Variants in GAK observed in about 807,000 individuals in gnomAD.
The protein encoded by GAK is cyclin G associated kinase, also known as cyclin-G-associated kinase.
In GAK, 79 loss-of-function variants were observed where a neutral mutation model predicts 143.9. The ratio of observed to expected loss-of-function variants is 0.55; its 90% CI spans 0.46 to 0.66. The LOEUF (loss-of-function observed/expected upper bound fraction) is 0.66, where lower values mean the gene tolerates loss of function less well. GAK is among the 30% of genes least tolerant of loss of function. The probability of loss-of-function intolerance (pLI) is 0.00; values close to 1 mark genes in which losing one functional copy is unlikely to be tolerated. For synonymous variants in GAK, 881 were observed against 765.5 expected (o/e 1.15, Z -2.49); for missense variants, 1,693 against 1,779.7 (o/e 0.95, Z 0.88).
At chr4:929,057 C>A (rs1041284121) in intron 1 of GAK, among the ~76,000 whole-genome samples, 1 of 152,218 alleles carries the variant, frequency 6.6e-6, no homozygotes, top group African/African-American at 2.4e-5. Context: ...CCACTGCGCC[C>A]GGCCCAGAAC....
intron 24 of GAK, chr4:853,186 C>G (rs1483818578): frequency 6.6e-6 from 1 of 152,276 alleles, no homozygotes; most frequent in Non-Finnish European, 1.5e-5. Context: ...TGGACTGGCA[C>G]TCTTCACTAG....
rs1234224549 is a variant in GAK at position 932,083 on chromosome 4, C to T, written c.105G>A (p.Leu35=). 6.2e-6 allele frequency: 10 copies of T among 1,603,550 alleles called. No homozygotes were observed. In the Admixed American group the frequency reaches 1.2e-4, roughly 19 times the overall value. ...GCCGCACCCGCAGCCGCAGCTCGCC[C>T]AGTTCCACCGTCTGCCCCACGAAGT... ...QSDFVGQTVE[L]GELRLRVRRV... Residue 35 remains leucine, a synonymous_variant, in exon 1 of 28, where the codon CTG becomes CTA. Transcript: ENST00000314167. The surrounding 1 kb of genome is among the most constrained non-coding windows in gnomAD (Gnocchi z 4.0).
intron 3 of GAK, chr4:912,317 G>C (rs1430981566): frequency 2.6e-6 from 1 of 386,876 alleles, no homozygotes; most frequent in Non-Finnish European, 5.3e-6. Context: ...GTCATGCTGG[G>C]ACAGCCTGAG....
At chr4:920,319 A>G (rs975061846) in intron 1 of GAK, among the ~76,000 whole-genome samples, 2 of 151,688 alleles carry the variant, frequency 1.3e-5, no homozygotes, top group African/African-American at 4.8e-5. Flanking sequence ...AAAAAAAAAA[A>G]ACAAAAAACC....
chr4:916,428 T>C (rs1723098860), intron 1 of GAK, among the ~76,000 whole-genome samples: 2 of 152,142 alleles, frequency 1.3e-5, no homozygotes. Flanking sequence ...CTAATTTTTT[T>C]ATTCTTTGAA....
intron 13 of GAK, 60 bp from the exon 14 acceptor site, chr4:882,879 G>T: frequency 6.3e-7 from 1 of 1,583,310 alleles, no homozygotes; most frequent in Non-Finnish European, 8.6e-7. Context: ...GCCTTGGTCA[G>T]CTAGGAGGGA....
At chr4:884,402 G>A (rs546292862) in intron 11 of GAK, 9 of 328,316 alleles carry the variant, frequency 2.7e-5, no homozygotes, top group Non-Finnish European at 5.1e-5. Flanking sequence ...GCCCAGGAGT[G>A]GGCTGGGAGA....
At position 860,752 on chromosome 4, in the gene GAK, CGAG is replaced by C. The variant is rs150449629; in HGVS notation, c.3167-1033_3167-1031del. On this transcript the variant is annotated intron_variant, in intron 23 of 27. Transcript: ENST00000314167. ...CCTGGCGCACCTCGCACTGTGCACT[CGAG>C]GGGACGGGCACCCAGGCCCTGGCGC... Among the ~76,000 whole-genome samples, 1,319 of 150,964 alleles carry C rather than the reference CGAG, an allele frequency of 8.7e-3. 15 individuals are homozygous for C. Among genetic ancestry groups the C allele is most frequent in the African/African-American group, 0.03 (1,248 of 41,064 alleles).
chr4:860,758 G>A (rs1750134875), intron 23 of GAK, among the ~76,000 whole-genome samples: 1 of 150,410 alleles, frequency 6.6e-6, no homozygotes. Context: ...CACTCGAGGG[G>A]ACGGGCACCC....
chr4:907,279 G>A (rs754229658), intron 4 of GAK, among the ~76,000 whole-genome samples: 4 of 152,254 alleles, frequency 2.6e-5, no homozygotes, highest in Middle Eastern at 3.4e-3. Flanking sequence ...CAGCTCTGCC[G>A]GCCCTGGCCC....
At chr4:918,816 T>G (rs1177382308) in intron 1 of GAK, among the ~76,000 whole-genome samples, 2 of 146,218 alleles carry the variant, frequency 1.4e-5, no homozygotes, top group African/African-American at 5.2e-5. Flanking sequence ...CCGCATGACC[T>G]TAGAAAGGCA....
In GAK at chr4:865,209, A is replaced by C; in HGVS notation, c.3079T>G (p.Ser1027Ala). The C allele has an allele frequency of 6.2e-7, 1 of 1,613,358 alleles. No individual in the cohort carries two copies. Among genetic ancestry groups the C allele is most frequent in the South Asian group, 1.1e-5 (1 of 91,032 alleles). Residue 1027 changes from serine (S) to alanine (A), a missense_variant, in exon 23 of 28, where the codon TCG becomes GCG. Physicochemically the swap from Ser to Ala is moderately conservative, Grantham distance 99. Transcript: ENST00000314167. ...LPGEPSKMTA[S>A]SSNPDLLGGW... ...CCCAGCAGGTCTGGGTTGCTGGACG[A>C]GGCTGTCATCTTGCTGGGCTCTCCT...
chr4:897,317 C>T (rs1216726287), intron 6 of GAK, among the ~76,000 whole-genome samples: 1 of 152,210 alleles, frequency 6.6e-6, no homozygotes, highest in African/African-American at 2.4e-5. Context: ...TTACGGAAAG[C>T]AGGATAAAGC....
chr4:849,834 A>AGCC (rs1747758992), intron 27 of GAK, 58 bp downstream of exon 27: 11 of 948,390 alleles, frequency 1.2e-5, no homozygotes, highest in African/African-American at 2.0e-5. Flanking sequence ...GCGGGGCAGG[A>AGCC]CCCCCCCCCC....
At chr4:905,374 C>G (rs1247467944) in intron 4 of GAK, among the ~76,000 whole-genome samples, 1 of 152,214 alleles carries the variant, frequency 6.6e-6, no homozygotes, top group Non-Finnish European at 1.5e-5. Flanking sequence ...CGGTTAACAT[C>G]ATCACCGTGG....
intron 23 of GAK, among the ~76,000 whole-genome samples, chr4:860,347 CA>C (rs35426588): frequency 0.61 from 82,920 of 134,954 alleles, 23,952 homozygotes; most frequent in South Asian, 0.78. Context: ...CACTCTGTCT[CA>C]AAAAAAAAAA....
chr4:884,625 C>T (rs1053310182), intron 11 of GAK, among the ~76,000 whole-genome samples: 2 of 152,238 alleles, frequency 1.3e-5, no homozygotes, highest in Non-Finnish European at 2.9e-5. Flanking sequence ...ACCAACTGCC[C>T]CCAACACTGG....
At chr4:868,504 C>G (rs766025411) in intron 20 of GAK, 35 bp downstream of exon 20, 12 of 1,593,812 alleles carry the variant, frequency 7.5e-6, no homozygotes, top group Non-Finnish European at 8.5e-6. Context: ...GGGGCCTGCC[C>G]TCTGCAAGTG....
intron 23 of GAK, among the ~76,000 whole-genome samples, chr4:861,742 C>T (rs1237891512): frequency 6.6e-6 from 1 of 152,196 alleles, no homozygotes; most frequent in Non-Finnish European, 1.5e-5. Flanking sequence ...ATTGCTGATA[C>T]AGAGGAAGTT....
Sources: gnomAD v4.1 joint callset for allele counts (sites outside exome capture counted in the v4.1 genomes callset) on GRCh38, gnomAD v4.1.1 for gene constraint, Gnocchi (gnomAD v3.1) non-coding constraint, MANE v1.5 for transcripts, NCBI Gene and HGNC (gene_info 2026-07-23, HGNC 2026-07-21) for gene names.